Variants in PDE6G observed in about 807,000 individuals in gnomAD.
PDE6G encodes rod cGMP 3',5'-cyclic phosphodiesterase subunit gamma.
In PDE6G, 10 loss-of-function variants were observed where a neutral mutation model predicts 10.9. The observed-to-expected ratio is 0.91, with a 90% CI of 0.56 to 1.55. The LOEUF is 1.55. Among genes scored for constraint, PDE6G ranks in the 40% most tolerant of loss-of-function variants. The pLI, the probability that PDE6G is intolerant of heterozygous loss-of-function variation, is 0.00. For missense variants in PDE6G, 102 were observed against 110.1 expected (o/e 0.93, Z 0.33); for synonymous variants, 41 against 42.8 (o/e 0.96, Z 0.16).
rs1244344186 is a variant in PDE6G, at chr17:81,650,530, T to C, written c.*544A>G. The C allele has an allele frequency of 4.4e-6, 2 of 453,966 alleles. No homozygotes were observed. Among genetic ancestry groups the C allele is most frequent in the African/African-American group, 4.0e-5 (2 of 50,010 alleles). The allele number at this position is 453,966 out of a possible 1,614,324, so 28.1% of individuals were successfully genotyped here. Reference sequence around the variant, plus strand: ...GGCTGTATTGAGAAGGATGGCCCCCTGGTGTGATGAGCTTGGGGCCTCATC... The same window carrying C: ...GGCTGTATTGAGAAGGATGGCCCCCCGGTGTGATGAGCTTGGGGCCTCATC... On this transcript the variant is annotated 3_prime_UTR_variant, in exon 4 of 4. Transcript: ENST00000331056.
rs1220697478 is a variant in PDE6G, at chr17:81,651,601, G to A, written c.187+44C>T. On this transcript the variant is annotated intron_variant, in intron 3 of 3. Transcript: ENST00000331056. This position sits in a 1 kb window ranked among gnomAD's most constrained non-coding sequence, Gnocchi z 4.8. ...CCCCGGGCGTGCTGGGTGTGCCTGG[G>A]GGGACCTGGGCAGACCTCGGGTTGG... is the stretch of plus-strand genomic sequence containing the variant. 1 of 1,602,544 alleles carries A rather than the reference G, an allele frequency of 6.2e-7. No homozygotes were observed. Among genetic ancestry groups the A allele is most frequent in the East Asian group, 2.2e-5 (1 of 44,822 alleles).
rs529707453 is a variant in PDE6G at position 81,656,381 on chromosome 17, C to T, written c.-60+112G>A. On this transcript the variant is annotated intron_variant, in intron 1 of 3. Transcript: ENST00000331056. ...CATCTGCAGACCCAGACCTCAGCCA[C>T]GGTGGTAAAAGCCTGTCAGCTCCCT... is the stretch of plus-strand genomic sequence containing the variant. The T allele has an allele frequency of 3.1e-4, 206 of 673,724 alleles. 1 individual carries two copies. The African/African-American group carries it at 3.3e-3, about 11-fold the overall frequency. The allele number at this position is 673,724 out of a possible 1,614,324, so 41.7% of individuals were successfully genotyped here.
chr17:81,653,328 C>T lies in PDE6G; in HGVS notation c.-23G>A, dbSNP rs780087818. 1.9e-5 allele frequency: 31 copies of T among 1,609,788 alleles called. No individual in the cohort carries two copies. The highest frequency in any genetic ancestry group is 4.0e-5 in the African/African-American group (3 of 74,884). ...CATGGTGAGGCTGACGGAGACACCG[C>T]GGCAACCTTGGCTCCTGGACTCCCT... On this transcript the variant is annotated 5_prime_UTR_variant, in exon 2 of 4. Coordinates refer to ENST00000331056, the MANE Select transcript of PDE6G (RefSeq NM_002602.4). The surrounding 1 kb of genome is among the most constrained non-coding windows in gnomAD (Gnocchi z 5.2).
At position 81,661,858 on chromosome 17, in the gene PDE6G, CAAAAAAA is replaced by C. The variant is rs33915100; in HGVS notation, c.-60+1194_-60+1200del. Reference sequence around the variant, plus strand: ...CCTGCGACAGAGTGAGACTCTGTCTCAAAAAAAAAAAAAAAAAAAAAAATCAGCCGGG... The same window carrying C: ...CCTGCGACAGAGTGAGACTCTGTCTCAAAAAAAAAAAAAAAATCAGCCGGG... On this transcript the variant is annotated intron_variant, in intron 1 of 3. Transcript: ENST00000571224. Among the ~76,000 whole-genome samples the C allele has an allele frequency of 3.0e-3, 194 of 65,370 alleles. 2 individuals are homozygous for C. Among genetic ancestry groups the C allele is most frequent in the African/African-American group, 0.01 (186 of 17,970 alleles). The allele number at this position is 65,370 out of a possible 152,430, so 42.9% of individuals were successfully genotyped here.
At chr17:81,656,179 C>T (rs897731736) in intron 1 of PDE6G, among the ~76,000 whole-genome samples, 4 of 152,210 alleles carry the variant, frequency 2.6e-5, no homozygotes, top group African/African-American at 9.7e-5. Context: ...CCGCTGCCTG[C>T]GCTGCCCTGG....
rs571635109 is a variant in PDE6G, at chr17:81,653,970, C to G, written c.-59-606G>C. Among the ~76,000 whole-genome samples the G allele has an allele frequency of 5.9e-5, 9 of 152,284 alleles. 2 individuals carry two copies. The South Asian group carries it at 1.9e-3, about 32-fold the overall frequency. On this transcript the variant is annotated intron_variant, in intron 1 of 3. Transcript: ENST00000331056. This position sits in a 1 kb window ranked among gnomAD's most constrained non-coding sequence, Gnocchi z 5.2. ...GGATTACCGGCGTCTGCCACCATGCCCGGCTAATCTTTGCATTTTTGCATT... is the reference window on the plus strand; with the variant it reads ...GGATTACCGGCGTCTGCCACCATGCGCGGCTAATCTTTGCATTTTTGCATT...
chr17:81,653,453 C>T lies in PDE6G; in HGVS notation c.-59-89G>A. 2.5e-6 allele frequency: 2 copies of T among 798,120 alleles called. No individual in the cohort carries two copies. Among genetic ancestry groups the T allele is most frequent in the Non-Finnish European group, 4.0e-6 (2 of 499,910 alleles). 49.4% of individuals were successfully genotyped at this position (798,120 alleles called of 1,614,324 possible). A position where few individuals can be genotyped will look rare whatever the true frequency, so the allele number is the denominator to read the frequency against. ...AACCCACCGGTGGAGGGGCTGAGACCCAGCCCCGCCAGCTCCAGCGTCATC... is the reference window on the plus strand; with the variant it reads ...AACCCACCGGTGGAGGGGCTGAGACTCAGCCCCGCCAGCTCCAGCGTCATC... On this transcript the variant is annotated intron_variant, in intron 1 of 3. Transcript: ENST00000331056. This position sits in a 1 kb window ranked among gnomAD's most constrained non-coding sequence, Gnocchi z 5.2.
intron 1 of PDE6G, among the ~76,000 whole-genome samples, chr17:81,662,691 AAAC>A (rs1215020327): frequency 5.3e-5 from 8 of 152,244 alleles, no homozygotes; most frequent in Admixed American, 4.6e-4. Flanking sequence ...CTCACTAACT[AAAC>A]AACTCATGAA....
At position 81,656,474 on chromosome 17, in the gene PDE6G, G is replaced by A. The variant is rs748268732; in HGVS notation, c.-60+19C>T. On this transcript the variant is annotated intron_variant, in intron 1 of 3. Transcript: ENST00000331056. ...GGAAGTGGCTGCCAGGAAAGACAGCGGGGTTGGCCACTACTCACCAAGTGC... is the reference window on the plus strand; with the variant it reads ...GGAAGTGGCTGCCAGGAAAGACAGCAGGGTTGGCCACTACTCACCAAGTGC... The A allele has an allele frequency of 1.6e-5, 12 of 759,268 alleles. No homozygotes were observed. Among genetic ancestry groups the A allele is most frequent in the Non-Finnish European group, 2.2e-5 (9 of 415,650 alleles). The allele number at this position is 759,268 out of a possible 1,614,324, so 47.0% of individuals were successfully genotyped here.
In PDE6G at chr17:81,651,278, T is replaced by A; in HGVS notation, c.188-128A>T. On this transcript the variant is annotated intron_variant, in intron 3 of 3. Coordinates refer to ENST00000331056, the MANE Select transcript of PDE6G (RefSeq NM_002602.4). This position sits in a 1 kb window ranked among gnomAD's most constrained non-coding sequence, Gnocchi z 4.8. Reference sequence around the variant, plus strand: ...GTGCTGAGCGGGGACGTGCGGACGCTGGAGTGGGGCCCTCCTCTGGGGACA... The same window carrying A: ...GTGCTGAGCGGGGACGTGCGGACGCAGGAGTGGGGCCCTCCTCTGGGGACA... 1 of 719,646 alleles carries A rather than the reference T, an allele frequency of 1.4e-6. No individual in the cohort carries two copies. The highest frequency in any genetic ancestry group is 2.5e-6 in the Non-Finnish European group (1 of 407,136). 44.6% of individuals were successfully genotyped at this position (719,646 alleles called of 1,614,324 possible).
At chr17:81,654,054 G>T (rs1453082709) in intron 1 of PDE6G, among the ~76,000 whole-genome samples, 1 of 152,180 alleles carries the variant, frequency 6.6e-6, no homozygotes, top group Non-Finnish European at 1.5e-5. Flanking sequence ...CTGACCTCAT[G>T]ATCCACCCGC....
At chr17:81,656,341 A>G (rs550545045) in intron 1 of PDE6G, among the ~76,000 whole-genome samples, 152 bp downstream of exon 1, 142 of 152,292 alleles carry the variant, frequency 9.3e-4, no homozygotes, top group African/African-American at 3.2e-3. Context: ...TCTGAATAAC[A>G]GGGTGGCGGG....
At chr17:81,660,243 C>G (rs1346012553), upstream of PDE6G, among the ~76,000 whole-genome samples, 1 of 151,960 alleles carries the variant, frequency 6.6e-6, no homozygotes, top group Non-Finnish European at 1.5e-5. Context: ...GAAACCCTGT[C>G]TCTACTAAAA....
Position 81,651,611 on chromosome 17 carries a change from G to T in PDE6G, c.187+34C>A, listed in dbSNP as rs760771444. On this transcript the variant is annotated intron_variant, in intron 3 of 3. Transcript: ENST00000331056. This position sits in a 1 kb window ranked among gnomAD's most constrained non-coding sequence, Gnocchi z 4.8. Reference sequence around the variant, plus strand: ...GCTGGGTGTGCCTGGGGGGACCTGGGCAGACCTCGGGTTGGTACTGGCAGC... The same window carrying T: ...GCTGGGTGTGCCTGGGGGGACCTGGTCAGACCTCGGGTTGGTACTGGCAGC... 6.2e-7 allele frequency: 1 copy of T among 1,610,872 alleles called. No individual in the cohort carries two copies. Among genetic ancestry groups the T allele is most frequent in the Non-Finnish European group, 8.5e-7 (1 of 1,177,156 alleles).
At chr17:81,654,902 C>A (rs1177674738) in intron 1 of PDE6G, among the ~76,000 whole-genome samples, 1 of 152,014 alleles carries the variant, frequency 6.6e-6, no homozygotes, top group African/African-American at 2.4e-5. Flanking sequence ...CGCCCGACAC[C>A]ACGCCCGGCT....
At chr17:81,658,332 C>A (rs2036475246), upstream of PDE6G, among the ~76,000 whole-genome samples, 1 of 151,684 alleles carries the variant, frequency 6.6e-6, no homozygotes, top group Non-Finnish European at 1.5e-5. Context: ...GATCTGCCCA[C>A]TTTGGCCTCC....
At chr17:81,657,413 C>T (rs1182347029), upstream of PDE6G, among the ~76,000 whole-genome samples, 1 of 152,164 alleles carries the variant, frequency 6.6e-6, no homozygotes, top group Non-Finnish European at 1.5e-5. Context: ...CCTGCGGATC[C>T]CAAAGTTTTA....
upstream of PDE6G, among the ~76,000 whole-genome samples, chr17:81,661,325 G>A (rs2036508172): frequency 6.6e-6 from 1 of 152,250 alleles, no homozygotes; most frequent in African/African-American, 2.4e-5. Flanking sequence ...GGTTGAGGCT[G>A]CAGTGAGCTA....
rs1259194175 is a variant in PDE6G at position 81,651,619 on chromosome 17, C to T, written c.187+26G>A. On this transcript the variant is annotated intron_variant, in intron 3 of 3. Coordinates refer to ENST00000331056, the MANE Select transcript of PDE6G (RefSeq NM_002602.4). This position sits in a 1 kb window ranked among gnomAD's most constrained non-coding sequence, Gnocchi z 4.8. ...TGCCTGGGGGGACCTGGGCAGACCT[C>T]GGGTTGGTACTGGCAGCCGTCATAC... The T allele has an allele frequency of 6.2e-7, 1 of 1,612,978 alleles. No homozygotes were observed. Among genetic ancestry groups the T allele is most frequent in the Non-Finnish European group, 8.5e-7 (1 of 1,179,064 alleles).
Sources: gnomAD v4.1 joint callset for allele counts (sites outside exome capture counted in the v4.1 genomes callset) on GRCh38, gnomAD v4.1.1 for gene constraint, Gnocchi (gnomAD v3.1) non-coding constraint, MANE v1.5 for transcripts, NCBI Gene and HGNC (gene_info 2026-07-23, HGNC 2026-07-21) for gene names.